The following ITPR1 variants were observed in gnomAD, a reference collection of about 807,000 sequenced individuals.
ITPR1 encodes the protein inositol 1,4,5-trisphosphate-gated calcium channel ITPR1.
A neutral mutation model predicts 318.4 loss-of-function variants in ITPR1; 96 were observed. That is an observed-to-expected ratio of 0.30 (90% CI 0.26 to 0.36). The LOEUF (loss-of-function observed/expected upper bound fraction) is 0.36. Ranked by LOEUF, ITPR1 falls within the 10% of genes least tolerant of loss-of-function variation. The pLI is 1.00. For missense variants in ITPR1, 2,440 were observed against 3,460.2 expected (o/e 0.71, Z 7.40); for synonymous variants, 1,312 against 1,289.9 (o/e 1.02, Z -0.37).
At chr3:4,528,985 C>T (rs2083202740) in intron 4 of ITPR1, among the ~76,000 whole-genome samples, 2 of 152,178 alleles carry the variant, frequency 1.3e-5, no homozygotes, top group Non-Finnish European at 2.9e-5. Context: ...GTTACACAAT[C>T]GCTGGGGATG....
chr3:4,678,178 A>G (rs761756089), intron 24 of ITPR1, among the ~76,000 whole-genome samples: 7 of 152,226 alleles, frequency 4.6e-5, no homozygotes, highest in Non-Finnish European at 8.8e-5. Flanking sequence ...TCTCAAAGTC[A>G]TGTAATTAGG....
Position 4,541,751 on chromosome 3 carries a change from G to A in ITPR1, c.163+20657G>A, listed in dbSNP as rs887727088. 2.0e-5 allele frequency among the ~76,000 whole-genome samples: 3 copies of A among 151,908 alleles called. No homozygotes were observed. The East Asian group carries it at 5.8e-4, about 29-fold the overall frequency. On this transcript the variant is annotated intron_variant, in intron 4 of 61. Coordinates refer to ENST00000649015, the MANE Select transcript of ITPR1 (RefSeq NM_001378452.1). ...AGCCGTTCTCCTGCCTCAGCCTCCC[G>A]AGTAGCTGGGACTACCAGCACGTGC...
At chr3:4,503,532 A>G (rs371724003) in intron 2 of ITPR1, among the ~76,000 whole-genome samples, 27 of 152,314 alleles carry the variant, frequency 1.8e-4, no homozygotes, top group African/African-American at 5.3e-4. Context: ...AGTGGTCTCA[A>G]TGGGGACAGG....
chr3:4,780,742 T>A (rs1226596745), intron 49 of ITPR1, among the ~76,000 whole-genome samples: 1 of 152,196 alleles, frequency 6.6e-6, no homozygotes, highest in Non-Finnish European at 1.5e-5. Flanking sequence ...TCTCTGAGTT[T>A]ACATAACAAG....
chr3:4,611,230 A>AC (rs536509594), intron 4 of ITPR1, among the ~76,000 whole-genome samples: 13 of 126,052 alleles, frequency 1.0e-4, no homozygotes, highest in African/African-American at 5.5e-4. Flanking sequence ...CCTCATCTCT[A>AC]CAAAAAAAAA....
intron 4 of ITPR1, among the ~76,000 whole-genome samples, chr3:4,571,722 T>G (rs2088015685): frequency 6.6e-6 from 1 of 152,140 alleles, no homozygotes; most frequent in Non-Finnish European, 1.5e-5. Flanking sequence ...AGAAACCCAC[T>G]CAAGTTGCTT....
Position 4,706,298 on chromosome 3 carries a change from G to T in ITPR1, c.4789G>T (p.Asp1597Tyr). ...RLSARNAARRDSVLAASRDYR... is the reference protein window; with the variant it reads ...RLSARNAARRYSVLAASRDYR... ...CTCAGCCCGCAATGCCGCACGCAGG[G>T]ACTCTGTTCTGGCAGCTTCCAGAGA... Residue 1597 changes from aspartate (D) to tyrosine (Y), a missense_variant, in exon 37 of 62, where the codon GAC (aspartate) becomes TAC (tyrosine). By Grantham distance (160) the Asp-to-Tyr change is radical. Coordinates refer to ENST00000649015, the MANE Select transcript of ITPR1 (RefSeq NM_001378452.1). 1 of 1,614,016 alleles carries T rather than the reference G, an allele frequency of 6.2e-7. No homozygotes were observed. Among genetic ancestry groups the T allele is most frequent in the Non-Finnish European group, 8.5e-7 (1 of 1,179,874 alleles).
rs183475863 is a variant in ITPR1, at chr3:4,761,010, C to T, written c.5545-5520C>T. Among the ~76,000 whole-genome samples, 17 of 152,368 alleles carry T rather than the reference C, an allele frequency of 1.1e-4. No individual in the cohort carries two copies. The East Asian group carries it at 2.7e-3, about 24-fold the overall frequency. ...TCTGCGGGGACCATTCTGTCTACCA[C>T]ACCTGTGAAACTGCCAACCTAATCA... On this transcript the variant is annotated intron_variant, in intron 44 of 61. Coordinates refer to ENST00000649015, the MANE Select transcript of ITPR1 (RefSeq NM_001378452.1).
At chr3:4,607,515 G>A (rs2091784942) in intron 4 of ITPR1, among the ~76,000 whole-genome samples, 1 of 152,124 alleles carries the variant, frequency 6.6e-6, no homozygotes. Flanking sequence ...TCAAGGCAGG[G>A]GAATTGCAAG....
At chr3:4,759,200 A>G (rs2045253290) in intron 44 of ITPR1, among the ~76,000 whole-genome samples, 1 of 152,218 alleles carries the variant, frequency 6.6e-6, no homozygotes, top group African/African-American at 2.4e-5. Context: ...GGCTCGTCAT[A>G]ACCACGCTCC....
chr3:4,532,615 C>T (rs1015024252), intron 4 of ITPR1, among the ~76,000 whole-genome samples: 6 of 152,186 alleles, frequency 3.9e-5, no homozygotes, highest in African/African-American at 1.4e-4. Context: ...AACTGATCCT[C>T]CCACTTTGTC....
chr3:4,602,907 T>C (rs959468996), intron 4 of ITPR1, among the ~76,000 whole-genome samples: 4 of 152,196 alleles, frequency 2.6e-5, no homozygotes, highest in African/African-American at 9.6e-5. Context: ...ATAATGCAAA[T>C]GTTCTGGAAT....
At chr3:4,670,707 C>T (rs1559656384) in intron 19 of ITPR1, 22 bp from the exon 20 acceptor site, 1 of 1,500,420 alleles carries the variant, frequency 6.7e-7, no homozygotes, top group Admixed American at 1.9e-5. Context: ...AGTAACTTTT[C>T]CCTCCTCCTC....
At position 4,786,774 on chromosome 3, in the gene ITPR1, T is replaced by C. The variant is rs1472853176; in HGVS notation, c.6616-1173T>C. Among the ~76,000 whole-genome samples the C allele has an allele frequency of 3.3e-5, 5 of 152,144 alleles. No individual in the cohort carries two copies. The East Asian group carries it at 9.6e-4, about 29-fold the overall frequency. ...GGTGTCCACCCCTGGGGCCCAAACA[T>C]ACCCAGCATAAAGAACAGTGAGTGC... On this transcript the variant is annotated intron_variant, in intron 51 of 61. Coordinates refer to ENST00000649015, the MANE Select transcript of ITPR1 (RefSeq NM_001378452.1).
chr3:4,584,844 C>A (rs1000867233), intron 4 of ITPR1, among the ~76,000 whole-genome samples: 2 of 152,098 alleles, frequency 1.3e-5, no homozygotes, highest in Non-Finnish European at 2.9e-5. Context: ...GGACTGTCCC[C>A]ATCATAGGAG....
chr3:4,814,655 C>T (rs557367882), intron 58 of ITPR1, 93 bp downstream of exon 58: 20 of 1,173,802 alleles, frequency 1.7e-5, no homozygotes, highest in Admixed American at 1.5e-4. Context: ...AAACTGAAGA[C>T]GCAGAGGAAG....
At chr3:4,535,253 A>G (rs1260975406) in intron 4 of ITPR1, among the ~76,000 whole-genome samples, 1 of 152,044 alleles carries the variant, frequency 6.6e-6, no homozygotes, top group Non-Finnish European at 1.5e-5. Context: ...GTCAGGAATG[A>G]ATTTATACAG....
In ITPR1 at chr3:4,836,735, CTT is replaced by C. The variant is rs201029025; in HGVS notation, c.8029-16_8029-15del. On this transcript the variant is annotated intron_variant, in intron 60 of 61. Coordinates refer to ENST00000649015, the MANE Select transcript of ITPR1 (RefSeq NM_001378452.1). ...TTTTTACCTCTAGAAGTGACTCAGT[CTT>C]TTTTTTTTTTTTTTTTTTTTTTAAT... 88,591 of 1,019,780 alleles carry C rather than the reference CTT, an allele frequency of 0.087. 22 individuals carry two copies. Among genetic ancestry groups the C allele is most frequent in the African/African-American group, 0.11 (4,476 of 41,520 alleles). The allele number at this position is 1,019,780 out of a possible 1,614,324, so 63.2% of individuals were successfully genotyped here.
intron 4 of ITPR1, among the ~76,000 whole-genome samples, chr3:4,627,190 T>A (rs2092858353): frequency 6.6e-6 from 1 of 152,178 alleles, no homozygotes; most frequent in Non-Finnish European, 1.5e-5. Flanking sequence ...AATACTTGTA[T>A]GCATTGTTGT....
Sources: allele counts gnomAD v4.1 joint callset (sites outside exome capture counted in the v4.1 genomes callset), GRCh38; gene constraint gnomAD v4.1.1; transcripts MANE v1.5; gene names NCBI Gene and HGNC (gene_info 2026-07-23, HGNC 2026-07-21).